APOB: variants seen among roughly 807,000 people sequenced by gnomAD.
APOB encodes the protein apolipoprotein B-100.
APOB carries 153 observed loss-of-function variants against 314.1 expected under a neutral mutation model. That is an observed-to-expected ratio of 0.49 (90% CI 0.43 to 0.56). APOB has a LOEUF of 0.56. Ranked by LOEUF, APOB falls within the 20% of genes least tolerant of loss-of-function variation. APOB has a pLI of 0.00. For missense variants in APOB, 5,430 were observed against 5,350.7 expected, an observed-to-expected ratio of 1.01 and a Z score of -0.46; for synonymous variants, 2,087 against 2,036.4, an observed-to-expected ratio of 1.02 and a Z score of -0.67.
Position 21,004,613 on chromosome 2 carries a change from G to A in APOB, c.11851C>T (p.His3951Tyr), listed in dbSNP as rs1328884551. The A allele has an allele frequency of 8.1e-6, 13 of 1,613,828 alleles. No homozygotes were observed. The Admixed American group carries it at 1.7e-4, about 21-fold the overall frequency. The change falls in exon 27 of 29, where the codon CAC (histidine) becomes TAC (tyrosine). Residue 3951 changes from histidine to tyrosine, a missense_variant. This residue lies in a region of APOB where 3,281 missense variants were observed against 3,171.0 expected (regional missense o/e 1.03). Coordinates refer to ENST00000233242, the MANE Select transcript of APOB (RefSeq NM_000384.3). ...LASKTKGTFA[H>Y]RDFSAEYEED... ...TCATATTCTGCACTGAAGTCACGGT[G>A]TGCAAATGTTCCTTTAGTCTTAGAG...
rs1249889621 is a variant in APOB at position 21,023,559 on chromosome 2, C to T, written c.2570G>A (p.Gly857Glu). ...TTCCAGTTTTACTCCAGCCTTGGCT[C>T]CGGGAGCAATGACTCCAGATGAAGA... ...QISSSGVIAP[G>E]AKAGVKLEVA... The change falls in exon 17 of 29, where the codon GGA (glycine) becomes GAA (glutamate). Residue 857 changes from glycine (G) to glutamate (E), a missense_variant. Transcript: ENST00000233242. The T allele has an allele frequency of 2.5e-6, 4 of 1,614,030 alleles. No homozygotes were observed. The African/African-American group carries it at 5.3e-5, about 22-fold the overall frequency.
chr2:21,032,434 C>A lies in APOB; in HGVS notation c.1272G>T (p.Gln424His). ...CCATGTTGAAGATCTCTCGCAGCTG[C>A]TGTGCTGAGGGCTCGGGGATCAGGG... ...LVALIPEPSA[Q>H]QLREIFNMAR... The change falls in exon 10 of 29, where the codon CAG (glutamine) becomes CAT (histidine). Residue 424 changes from glutamine (Q) to histidine (H), a missense_variant. Transcript: ENST00000233242. The A allele has an allele frequency of 1.2e-6, 2 of 1,614,140 alleles. No homozygotes were observed. Among genetic ancestry groups the A allele is most frequent in the South Asian group, 2.2e-5 (2 of 91,090 alleles).
chr2:21,006,261 G>C lies in APOB; in HGVS notation c.10607C>G (p.Ser3536Cys). Reference protein sequence around the residue: ...TRSSVKLQGTSKIDDIWNLEV... With the variant: ...TRSSVKLQGTCKIDDIWNLEV... The stretch of plus-strand genomic sequence containing the variant: ...AAGGTTCCAGATATCATCAATTTTG[G>C]AAGTGCCCTGCAGCTTCACTGAAGA... The change falls in exon 26 of 29, where the codon TCC becomes TGC. Residue 3536 changes from serine (S) to cysteine (C), a missense_variant. Coordinates refer to ENST00000233242, the MANE Select transcript of APOB (RefSeq NM_000384.3). 1 of 1,614,056 alleles carries C rather than the reference G, an allele frequency of 6.2e-7. No individual in the cohort carries two copies. Among genetic ancestry groups the C allele is most frequent in the East Asian group, 2.2e-5 (1 of 44,888 alleles).
chr2:21,034,272 C>G (rs1351665926), intron 8 of APOB, among the ~76,000 whole-genome samples: 3 of 152,194 alleles, frequency 2.0e-5, no homozygotes, highest in African/African-American at 7.2e-5. Context: ...GTGTCACTGT[C>G]TCCTCTGTAG....
rs148987924 is a variant in APOB at position 21,008,904 on chromosome 2, G to T, written c.7964C>A (p.Thr2655Asn). ...FSTPEFTILNTFHIPSFTIDF... is the reference protein window; with the variant it reads ...FSTPEFTILNNFHIPSFTIDF... ...AATTGTAAAGGAAGGAATGTGGAAG[G>T]TGTTAAGGATGGTAAATTCTGGTGT... Residue 2655 changes from threonine (T) to asparagine (N), a missense_variant, in exon 26 of 29, where the codon ACC (threonine) becomes AAC (asparagine). By Grantham distance (65) the Thr-to-Asn change is moderately conservative. Coordinates refer to ENST00000233242, the MANE Select transcript of APOB (RefSeq NM_000384.3). 1 of 1,614,074 alleles carries T rather than the reference G, an allele frequency of 6.2e-7. No homozygotes were observed. Among genetic ancestry groups the T allele is most frequent in the African/African-American group, 1.3e-5 (1 of 75,054 alleles).
chr2:21,014,867 G>A (rs866083271), intron 23 of APOB, among the ~76,000 whole-genome samples: 1 of 152,214 alleles, frequency 6.6e-6, no homozygotes, highest in South Asian at 2.1e-4. Flanking sequence ...CTACTTAGTA[G>A]CATCTCTTTG....
Position 21,005,100 on chromosome 2 carries a change from A to C in APOB, c.11768T>G (p.Phe3923Cys). The stretch of plus-strand genomic sequence containing the variant: ...CTTACCATTTAGTTCATATTCTAGG[A>C]ACTGTACGGTTGAGCTGCATGTGGA... ...LDSTCSSTVQ[F>C]LEYELNVLGT... is the part of the protein sequence containing the mutation. The change falls in exon 26 of 29, where the codon TTC becomes TGC. Residue 3923 changes from phenylalanine (F) to cysteine (C), a missense_variant. Around this residue, in one of 3 missense-constraint regions of APOB, gnomAD observed 3,281 missense variants for 3,171.0 expected, o/e 1.03. Coordinates refer to ENST00000233242, the MANE Select transcript of APOB (RefSeq NM_000384.3). The C allele has an allele frequency of 6.2e-7, 1 of 1,613,980 alleles. No homozygotes were observed. Among genetic ancestry groups the C allele is most frequent in the South Asian group, 1.1e-5 (1 of 91,084 alleles).
rs750646887 is a variant in APOB, at chr2:21,006,061, G to A, written c.10807C>T (p.His3603Tyr). ...PWQMSALVQV[H>Y]ASQPSSFHDF... Reference sequence around the variant, plus strand: ...TGGAAGGAACTGGGCTGACTTGCATGGACCTGAACAAGAGCTGACATTTGC... The same window carrying A: ...TGGAAGGAACTGGGCTGACTTGCATAGACCTGAACAAGAGCTGACATTTGC... Residue 3603 changes from histidine to tyrosine, a missense_variant, in exon 26 of 29, where the codon CAT becomes TAT. Coordinates refer to ENST00000233242, the MANE Select transcript of APOB (RefSeq NM_000384.3). 1.9e-6 allele frequency: 3 copies of A among 1,613,924 alleles called. No individual in the cohort carries two copies. In the African/African-American group the frequency reaches 4.0e-5, roughly 22 times the overall value.
In APOB at chr2:21,002,311, A is replaced by G. The variant is rs1237017264; in HGVS notation, c.13111T>C (p.Ser4371Pro). ...EFIQNELQEA[S>P]QELQQIHQYI... ...TGATGGATCTGCTGTAACTCTTGAGAAGCTTCCTGAAGCTCGTTTTGAATA... is the reference window on the plus strand; with the variant it reads ...TGATGGATCTGCTGTAACTCTTGAGGAGCTTCCTGAAGCTCGTTTTGAATA... Residue 4371 changes from serine (S) to proline (P), a missense_variant, in exon 29 of 29, where the codon TCT becomes CCT. Physicochemically the swap from Ser to Pro is moderately conservative, Grantham distance 74. Coordinates refer to ENST00000233242, the MANE Select transcript of APOB (RefSeq NM_000384.3). The G allele has an allele frequency of 1.2e-6, 2 of 1,613,244 alleles. No individual in the cohort carries two copies. The highest frequency in any genetic ancestry group is 1.7e-6 in the Non-Finnish European group (2 of 1,179,792).
rs1483573722 is a variant in APOB, at chr2:21,012,610, G to C, written c.4258C>G (p.Leu1420Val). Residue 1420 changes from leucine (L) to valine (V), a missense_variant, in exon 26 of 29, where the codon CTA becomes GTA. Around this residue, in one of 3 missense-constraint regions of APOB, gnomAD observed 2,085 missense variants for 2,079.7 expected, o/e 1.00. Coordinates refer to ENST00000233242, the MANE Select transcript of APOB (RefSeq NM_000384.3). Reference protein sequence around the residue: ...TTYDHKNTFTLSCDGSLRHKF... With the variant: ...TTYDHKNTFTVSCDGSLRHKF... ...TGGCGTAGAGACCCATCACATGATA[G>C]TGTGAACGTATTCTTGTGGTCATAT... is the stretch of plus-strand genomic sequence containing the variant. 6.2e-7 allele frequency: 1 copy of C among 1,610,364 alleles called. No homozygotes were observed. The highest frequency in any genetic ancestry group is 8.5e-7 in the Non-Finnish European group (1 of 1,177,040).
rs773324288 is a variant in APOB, at chr2:21,003,127, C to G, written c.12295G>C (p.Glu4099Gln). 1 of 1,607,928 alleles carries G rather than the reference C, an allele frequency of 6.2e-7. No homozygotes were observed. Among genetic ancestry groups the G allele is most frequent in the Non-Finnish European group, 8.5e-7 (1 of 1,176,126 alleles). The change falls in exon 29 of 29, where the codon GAA becomes CAA. Residue 4099 changes from glutamate (E) to glutamine (Q), a missense_variant. Coordinates refer to ENST00000233242, the MANE Select transcript of APOB (RefSeq NM_000384.3). The stretch of plus-strand genomic sequence containing the variant: ...TTTCTTCTCAGCTTTGAAGACACTT[C>G]TCTCAGGGTGAGCCCTGTGTGTTCC... ...HWEHTGLTLR[E>Q]VSSKLRRNLQ...
chr2:21,004,943 A>T, intron 26 of APOB, 137 bp downstream of exon 26: 2 of 1,205,676 alleles, frequency 1.7e-6, no homozygotes, highest in Non-Finnish European at 2.4e-6. Context: ...TAGGGTATAC[A>T]TGTATCTCTT....
rs781511068 is a variant in APOB, at chr2:21,023,005, A to G, written c.2642T>C (p.Val881Ala). 4.3e-6 allele frequency: 7 copies of G among 1,614,178 alleles called. No homozygotes were observed. Among genetic ancestry groups the G allele is most frequent in the South Asian group, 3.3e-5 (3 of 91,070 alleles). Reference protein sequence around the residue: ...AELVAKPSVSVEFVTNMGIII... With the variant: ...AELVAKPSVSAEFVTNMGIII... ...GATGCCCATATTTGTCACAAACTCC[A>G]CAGACACGGAGGGTTTTGCCACCAG... The change falls in exon 18 of 29, where the codon GTG becomes GCG. Residue 881 changes from valine (V) to alanine (A), a missense_variant. Physicochemically the swap from Val to Ala is moderately conservative, Grantham distance 64 (BLOSUM62 0). This residue lies in a region of APOB where 2,085 missense variants were observed against 2,079.7 expected (regional missense o/e 1.00). Coordinates refer to ENST00000233242, the MANE Select transcript of APOB (RefSeq NM_000384.3).
chr2:21,013,056 A>G, intron 25 of APOB, 104 bp downstream of exon 25: 1 of 1,390,526 alleles, frequency 7.2e-7, no homozygotes, highest in South Asian at 1.2e-5. Context: ...AGCAAGGAAG[A>G]TTATCTGCTA....
At chr2:21,042,536 A>G in intron 2 of APOB, 60 bp from the exon 3 acceptor site, 7 of 1,296,008 alleles carry the variant, frequency 5.4e-6, no homozygotes, top group South Asian at 2.4e-5. Context: ...AGGACAGCCA[A>G]TTCTGGGCAG....
intron 19 of APOB, 145 bp from the exon 20 acceptor site, chr2:21,019,258 T>G (rs1663542323): frequency 8.9e-7 from 1 of 1,126,544 alleles, no homozygotes; most frequent in Admixed American, 1.8e-5. Context: ...AGATGATCTT[T>G]TTGATCCCTC....
Position 21,010,174 on chromosome 2 carries a change from A to G in APOB, c.6694T>C (p.Phe2232Leu). The change falls in exon 26 of 29, where the codon TTT (phenylalanine) becomes CTT (leucine). Residue 2232 changes from phenylalanine to leucine, a missense_variant. Transcript: ENST00000233242. ...LVKTIHDLHLFIENIDFNKSG... is the reference protein window; with the variant it reads ...LVKTIHDLHLLIENIDFNKSG... Reference sequence around the variant, plus strand: ...TTGTTAAAATCAATATTTTCAATAAACAAATGTAGATCATGGATTGTTTTT... The same window carrying G: ...TTGTTAAAATCAATATTTTCAATAAGCAAATGTAGATCATGGATTGTTTTT... 6.2e-7 allele frequency: 1 copy of G among 1,600,684 alleles called. No individual in the cohort carries two copies. Among genetic ancestry groups the G allele is most frequent in the Non-Finnish European group, 8.5e-7 (1 of 1,170,646 alleles).
chr2:21,019,609 C>A, intron 19 of APOB, 114 bp downstream of exon 19: 1 of 1,168,430 alleles, frequency 8.6e-7, no homozygotes, highest in East Asian at 2.5e-5. Flanking sequence ...TGGTGCAAAC[C>A]CAGAAGGCTA....
At chr2:21,035,402 T>C (rs887226061) in intron 7 of APOB, among the ~76,000 whole-genome samples, 182 bp downstream of exon 7, 2 of 152,182 alleles carry the variant, frequency 1.3e-5, no homozygotes, top group Non-Finnish European at 2.9e-5. Flanking sequence ...TTGTTTTGCA[T>C]GCCTAGGACT....
Sources: allele counts gnomAD v4.1 joint callset (sites outside exome capture counted in the v4.1 genomes callset), GRCh38; gene constraint gnomAD v4.1.1; regional missense constraint gnomAD v4.1.1; transcripts MANE v1.5; gene names NCBI Gene and HGNC (gene_info 2026-07-23, HGNC 2026-07-21).